The following SLC39A11 variants were observed in gnomAD, a reference collection of about 807,000 sequenced individuals.
The protein encoded by SLC39A11 is zinc transporter ZIP11.
A neutral mutation model predicts 36.1 loss-of-function variants in SLC39A11; 33 were observed. The observed-to-expected ratio is 0.91, with a 90% CI of 0.69 to 1.22. The LOEUF is 1.22. SLC39A11 is among the 50% of genes most tolerant of loss of function. The pLI is 0.00. For missense variants in SLC39A11, 432 were observed against 430.3 expected, an observed-to-expected ratio of 1.00 and a Z score of -0.03; for synonymous variants, 166 against 170.3, an observed-to-expected ratio of 0.97 and a Z score of 0.20.
At chr17:73,014,483 C>T (rs1248066114) in intron 4 of SLC39A11, among the ~76,000 whole-genome samples, 1 of 152,172 alleles carries the variant, frequency 6.6e-6, no homozygotes, top group South Asian at 2.1e-4. Context: ...GTAGCAAGAC[C>T]CTGTCTCTAC....
intron 4 of SLC39A11, among the ~76,000 whole-genome samples, chr17:73,002,949 G>A (rs939535264): frequency 1.3e-5 from 2 of 152,138 alleles, no homozygotes; most frequent in Non-Finnish European, 2.9e-5. Context: ...GGAGGCTTGA[G>A]ATTGTATTTA....
chr17:72,830,900 C>T (rs1287923516), intron 6 of SLC39A11, among the ~76,000 whole-genome samples: 1 of 152,108 alleles, frequency 6.6e-6, no homozygotes, highest in African/African-American at 2.4e-5. Context: ...CTCCCACATC[C>T]CCACTCCCAA....
At chr17:72,718,159 G>A (rs1377938125) in intron 7 of SLC39A11, among the ~76,000 whole-genome samples, 1 of 152,166 alleles carries the variant, frequency 6.6e-6, no homozygotes, top group Non-Finnish European at 1.5e-5. Flanking sequence ...TTTTAAAGAA[G>A]CATCTGGGCT....
chr17:72,666,559 C>G (rs993351868), intron 7 of SLC39A11, among the ~76,000 whole-genome samples: 2 of 152,182 alleles, frequency 1.3e-5, no homozygotes, highest in Non-Finnish European at 2.9e-5. Context: ...GCAAAACATA[C>G]AGAAGGGGGC....
intron 5 of SLC39A11, among the ~76,000 whole-genome samples, chr17:72,893,327 G>A (rs2081856430): frequency 6.6e-6 from 1 of 152,160 alleles, no homozygotes; most frequent in South Asian, 2.1e-4. Flanking sequence ...CAGGCGTGGT[G>A]ACACATGCCT....
chr17:73,078,875 A>G (rs1026386625), intron 3 of SLC39A11, among the ~76,000 whole-genome samples: 1 of 152,150 alleles, frequency 6.6e-6, no homozygotes, highest in Admixed American at 6.6e-5. Flanking sequence ...ATCCACTTAA[A>G]AACAGAATAC....
intron 6 of SLC39A11, among the ~76,000 whole-genome samples, chr17:72,768,210 C>T (rs1481972343): frequency 6.6e-6 from 1 of 152,238 alleles, no homozygotes; most frequent in Non-Finnish European, 1.5e-5. Flanking sequence ...CCTATGTATA[C>T]ACTTTAGCAG....
chr17:72,963,332 G>A (rs1322332940), intron 4 of SLC39A11, among the ~76,000 whole-genome samples: 3 of 151,698 alleles, frequency 2.0e-5, no homozygotes, highest in Non-Finnish European at 2.9e-5. Context: ...CACCACGCCC[G>A]GCTAATTTTT....
At chr17:72,811,621 G>A (rs1459521293) in intron 6 of SLC39A11, among the ~76,000 whole-genome samples, 1 of 152,178 alleles carries the variant, frequency 6.6e-6, no homozygotes, top group African/African-American at 2.4e-5. Flanking sequence ...GCTCTTTGAG[G>A]AGTCACACTT....
At chr17:72,834,214 T>G (rs2078414125) in intron 6 of SLC39A11, among the ~76,000 whole-genome samples, 2 of 152,232 alleles carry the variant, frequency 1.3e-5, no homozygotes, top group Non-Finnish European at 2.9e-5. Flanking sequence ...GTATTTGATG[T>G]GTGGCTAAGT....
chr17:73,062,500 T>G (rs1221126899), intron 3 of SLC39A11, among the ~76,000 whole-genome samples: 1 of 136,890 alleles, frequency 7.3e-6, no homozygotes, highest in Non-Finnish European at 1.6e-5. Context: ...ACACTTCTGC[T>G]ACCTGATAGG....
chr17:72,813,266 G>A lies in SLC39A11; in HGVS notation c.601+36368C>T, dbSNP rs1482678721. ...CACAACCAACAAACCCTAACGGATGGAGAACTCTTTTCTGGTCCCCATTGT... is the reference window on the plus strand; with the variant it reads ...CACAACCAACAAACCCTAACGGATGAAGAACTCTTTTCTGGTCCCCATTGT... On this transcript the variant is annotated intron_variant, in intron 6 of 9. Coordinates refer to ENST00000255559, the MANE Select transcript of SLC39A11 (RefSeq NM_139177.4). Among the ~76,000 whole-genome samples the A allele has an allele frequency of 2.0e-5, 3 of 152,182 alleles. No individual in the cohort carries two copies. The East Asian group carries it at 5.8e-4, about 29-fold the overall frequency.
chr17:73,052,374 C>T (rs943026284), intron 3 of SLC39A11, among the ~76,000 whole-genome samples: 7 of 150,634 alleles, frequency 4.6e-5, no homozygotes, highest in East Asian at 1.9e-4. Flanking sequence ...CAAAAACAAC[C>T]GAAAACACTT....
At chr17:72,796,191 G>T (rs2076889510) in intron 6 of SLC39A11, among the ~76,000 whole-genome samples, 1 of 152,124 alleles carries the variant, frequency 6.6e-6, no homozygotes, top group Admixed American at 6.5e-5. Context: ...TCAGCAGGCT[G>T]CTGGTAAAAC....
At chr17:72,891,573 G>A (rs1267153303) in intron 5 of SLC39A11, among the ~76,000 whole-genome samples, 1 of 151,778 alleles carries the variant, frequency 6.6e-6, no homozygotes, top group Non-Finnish European at 1.5e-5. Context: ...CATGATTCAG[G>A]TCCCTGCTCA....
intron 6 of SLC39A11, among the ~76,000 whole-genome samples, chr17:72,809,132 TC>T (rs1416259041): frequency 3.3e-5 from 5 of 152,028 alleles, no homozygotes; most frequent in Non-Finnish European, 5.9e-5. Flanking sequence ...TTTCCTCTCT[TC>T]CCCGGAGGAT....
chr17:72,927,191 C>A (rs1190534796), intron 5 of SLC39A11, among the ~76,000 whole-genome samples: 1 of 152,072 alleles, frequency 6.6e-6, no homozygotes, highest in Admixed American at 6.6e-5. Context: ...GGACTACAGG[C>A]GCACACCACC....
At chr17:73,031,320 GA>G (rs1381461919) in intron 4 of SLC39A11, among the ~76,000 whole-genome samples, 3 of 151,884 alleles carry the variant, frequency 2.0e-5, no homozygotes, top group Non-Finnish European at 4.4e-5. Context: ...TATTTTTAAT[GA>G]AATGTGACAT....
chr17:72,752,053 T>C (rs369100369), intron 6 of SLC39A11, among the ~76,000 whole-genome samples: 5 of 152,316 alleles, frequency 3.3e-5, no homozygotes, highest in South Asian at 2.1e-4. Flanking sequence ...GATGCCCTCT[T>C]TCTTATGTCA....
Sources: gnomAD v4.1 joint callset for allele counts (sites outside exome capture counted in the v4.1 genomes callset) on GRCh38, gnomAD v4.1.1 for gene constraint, MANE v1.5 for transcripts, NCBI Gene and HGNC (gene_info 2026-07-23, HGNC 2026-07-21) for gene names.